The following TRPM3 variants were observed in gnomAD, a reference collection of about 807,000 sequenced individuals.
The protein encoded by TRPM3 is long transient receptor potential channel 3.
Under a neutral mutation model 181.2 loss-of-function variants are expected in TRPM3, and 77 were observed. The observed-to-expected ratio is 0.42, with a 90% CI of 0.35 to 0.51. The LOEUF (loss-of-function observed/expected upper bound fraction) is 0.51. Among genes scored for constraint, TRPM3 ranks in the 20% least tolerant of loss-of-function variants. The pLI is 0.01. For missense variants in TRPM3, 1,759 were observed against 2,196.7 expected, an observed-to-expected ratio of 0.80 and a Z score of 3.98; for synonymous variants, 745 against 796.4, an observed-to-expected ratio of 0.94 and a Z score of 1.09.
intron 1 of TRPM3, among the ~76,000 whole-genome samples, chr9:71,199,779 C>T (rs1463201121): frequency 6.7e-6 from 1 of 150,092 alleles, no homozygotes; most frequent in Non-Finnish European, 1.5e-5. Flanking sequence ...CTTTATTAGT[C>T]TTGCTAGCAG....
At chr9:71,279,587 G>C (rs1243288941) in intron 1 of TRPM3, among the ~76,000 whole-genome samples, 1 of 152,134 alleles carries the variant, frequency 6.6e-6, no homozygotes, top group Non-Finnish European at 1.5e-5. Flanking sequence ...GGGCTGTTAG[G>C]GACTCTATGA....
At chr9:71,217,006 A>C (rs562214411) in intron 1 of TRPM3, among the ~76,000 whole-genome samples, 1 of 118,114 alleles carries the variant, frequency 8.5e-6, no homozygotes, top group East Asian at 2.9e-4. Flanking sequence ...GCTGGAGTGC[A>C]GTGGCGCGAT....
chr9:70,933,117 A>T (rs1564792847), intron 1 of TRPM3, among the ~76,000 whole-genome samples: 1 of 152,172 alleles, frequency 6.6e-6, no homozygotes, highest in Non-Finnish European at 1.5e-5. Context: ...ATTAGAAGAG[A>T]TCAAGATTCA....
At chr9:70,611,989 G>T (rs764960492) in intron 18 of TRPM3, among the ~76,000 whole-genome samples, 1 of 152,192 alleles carries the variant, frequency 6.6e-6, no homozygotes, top group African/African-American at 2.4e-5. Flanking sequence ...CCATGGGAAA[G>T]GTTTTTAACC....
At chr9:71,282,425 A>G (rs1364227255) in intron 1 of TRPM3, among the ~76,000 whole-genome samples, 1 of 37,974 alleles carries the variant, frequency 2.6e-5, no homozygotes, top group South Asian at 7.4e-4. Context: ...AGAAAAAGAA[A>G]GAAAAAAAGA....
intron 1 of TRPM3, among the ~76,000 whole-genome samples, chr9:71,100,653 CCACTT>C (rs1252313446): frequency 4.6e-5 from 7 of 152,114 alleles, no homozygotes; most frequent in African/African-American, 1.7e-4. Flanking sequence ...ATAAGAGTCT[CCACTT>C]CCCTTCCTTG....
intron 1 of TRPM3, among the ~76,000 whole-genome samples, chr9:71,314,135 A>C (rs983928796): frequency 6.6e-6 from 1 of 152,114 alleles, no homozygotes; most frequent in Non-Finnish European, 1.5e-5. Flanking sequence ...GGTGTGATGA[A>C]TATCTTTTCA....
At chr9:70,802,085 T>C (rs1383495032) in intron 6 of TRPM3, among the ~76,000 whole-genome samples, 1 of 152,222 alleles carries the variant, frequency 6.6e-6, no homozygotes, top group East Asian at 1.9e-4. Context: ...GTGATGCTAT[T>C]GTTGCTGGTC....
chr9:71,141,238 G>A (rs1349473574), intron 1 of TRPM3, among the ~76,000 whole-genome samples: 1 of 152,052 alleles, frequency 6.6e-6, no homozygotes, highest in Non-Finnish European at 1.5e-5. Context: ...AACTTAATTT[G>A]AACAATAATC....
chr9:70,659,964 T>C (rs550196922), intron 9 of TRPM3, among the ~76,000 whole-genome samples: 66 of 152,194 alleles, frequency 4.3e-4, no homozygotes, highest in Non-Finnish European at 8.2e-4. Context: ...TGTTCTTTTG[T>C]CTGTTGTTGT....
At chr9:70,871,384 T>C (rs1439297990) in intron 1 of TRPM3, among the ~76,000 whole-genome samples, 1 of 152,022 alleles carries the variant, frequency 6.6e-6, no homozygotes, top group Non-Finnish European at 1.5e-5. Context: ...ATATTGCTTA[T>C]GTATTTTTTT....
At chr9:70,949,843 T>A (rs2096978560) in intron 1 of TRPM3, among the ~76,000 whole-genome samples, 2 of 152,178 alleles carry the variant, frequency 1.3e-5, no homozygotes. Flanking sequence ...ACATTCATTC[T>A]TTTCTAGTGG....
intron 1 of TRPM3, among the ~76,000 whole-genome samples, chr9:71,359,587 A>T (rs1422304500): frequency 6.6e-6 from 1 of 152,112 alleles, no homozygotes; most frequent in Non-Finnish European, 1.5e-5. Flanking sequence ...AACAAATATT[A>T]TGGGTGCCTC....
chr9:70,609,623 A>G (rs1015858929), intron 19 of TRPM3, among the ~76,000 whole-genome samples: 5 of 152,242 alleles, frequency 3.3e-5, no homozygotes, highest in African/African-American at 1.2e-4. Flanking sequence ...ACAGCCCCCC[A>G]CAATGAAGAA....
intron 1 of TRPM3, among the ~76,000 whole-genome samples, chr9:71,337,328 C>G (rs1198471972): frequency 1.3e-5 from 2 of 152,152 alleles, no homozygotes; most frequent in African/African-American, 4.8e-5. Context: ...ATGAAAAAAG[C>G]TCATCATCAC....
intron 1 of TRPM3, among the ~76,000 whole-genome samples, chr9:71,374,408 A>G (rs1445612767): frequency 6.6e-6 from 1 of 152,036 alleles, no homozygotes; most frequent in Non-Finnish European, 1.5e-5. Flanking sequence ...ACAAAACAAA[A>G]AAAACCACTC....
intron 1 of TRPM3, among the ~76,000 whole-genome samples, chr9:70,974,327 C>T (rs1361521702): frequency 6.6e-6 from 1 of 152,082 alleles, no homozygotes; most frequent in East Asian, 1.9e-4. Context: ...ATCACGAGGT[C>T]AGGAGATCGA....
intron 5 of TRPM3, among the ~76,000 whole-genome samples, chr9:70,831,690 G>A (rs189165974): frequency 6.6e-6 from 1 of 151,494 alleles, no homozygotes; most frequent in South Asian, 2.1e-4. Flanking sequence ...TGTCTGAAAG[G>A]GCTTCACATC....
intron 21 of TRPM3, among the ~76,000 whole-genome samples, chr9:70,595,564 G>A (rs1483054719): frequency 6.6e-6 from 1 of 152,132 alleles, no homozygotes; most frequent in African/African-American, 2.4e-5. Context: ...TAATTTTATA[G>A]CTATTATAGT....
Sources: allele counts gnomAD v4.1 joint callset (sites outside exome capture counted in the v4.1 genomes callset), GRCh38; gene constraint gnomAD v4.1.1; transcripts MANE v1.5; gene names NCBI Gene and HGNC (gene_info 2026-07-23, HGNC 2026-07-21).